The following KLF12 variants were observed in gnomAD, a reference collection of about 807,000 sequenced individuals.
KLF12 encodes the protein KLF transcription factor 12, also known as Krueppel-like factor 12.
A neutral mutation model predicts 37.8 loss-of-function variants in KLF12; 9 were observed. The observed-to-expected ratio is 0.24, with a 90% CI of 0.14 to 0.42. The LOEUF (loss-of-function observed/expected upper bound fraction) is 0.42, where lower values mean the gene tolerates loss of function less well. Among genes scored for constraint, KLF12 ranks in the 10% least tolerant of loss-of-function variants. The pLI is 1.00. For missense variants in KLF12, 411 were observed against 516.0 expected (o/e 0.80, Z 1.97); for synonymous variants, 208 against 202.1 (o/e 1.03, Z -0.25).
At chr13:74,076,651 CT>C (rs1376635579) in intron 1 of KLF12, among the ~76,000 whole-genome samples, 1 of 152,074 alleles carries the variant, frequency 6.6e-6, no homozygotes, top group East Asian at 1.9e-4. Context: ...TATTTTTTAA[CT>C]TTTATCTTAG....
At chr13:73,925,111 G>A (rs951715129) in intron 3 of KLF12, among the ~76,000 whole-genome samples, 2 of 152,172 alleles carry the variant, frequency 1.3e-5, no homozygotes, top group African/African-American at 4.8e-5. Context: ...TAAAAGCTGT[G>A]GCAAGTTATC....
chr13:74,129,341 A>G (rs1236154485), intron 1 of KLF12, among the ~76,000 whole-genome samples: 4 of 152,230 alleles, frequency 2.6e-5, no homozygotes, highest in Non-Finnish European at 5.9e-5. Context: ...ACGAATAAAG[A>G]GGGCCAACTG....
rs575575264 is a variant in KLF12, at chr13:73,868,045, A to G, written c.124-21672T>C. 1.2e-3 allele frequency among the ~76,000 whole-genome samples: 178 copies of G among 147,772 alleles called. 1 individual carries two copies. Among genetic ancestry groups the G allele is most frequent in the Non-Finnish European group, 1.2e-3 (78 of 67,294 alleles). Reference sequence around the variant, plus strand: ...CTTCTCAAAAAAAAAAAGAAAAAAAAAATGCTGGGTGTAGTGGCTCATGCC... The same window carrying G: ...CTTCTCAAAAAAAAAAAGAAAAAAAGAATGCTGGGTGTAGTGGCTCATGCC... On this transcript the variant is annotated intron_variant, in intron 3 of 7. Coordinates refer to ENST00000377669, the MANE Select transcript of KLF12 (RefSeq NM_007249.5).
At chr13:73,737,734 G>A (rs1037604085) in intron 6 of KLF12, among the ~76,000 whole-genome samples, 4 of 152,006 alleles carry the variant, frequency 2.6e-5, no homozygotes, top group Admixed American at 6.6e-5. Flanking sequence ...GGAAATATAC[G>A]AAACTGTCTC....
intron 2 of KLF12, 97 bp downstream of exon 2, chr13:73,994,893 T>G: frequency 1.2e-6 from 1 of 822,084 alleles, no homozygotes; most frequent in Non-Finnish European, 2.1e-6. Context: ...CTGTCTCGTA[T>G]TCACACAAGA....
At chr13:74,274,789 A>G in the KLF12 span, among the ~76,000 whole-genome samples, 1 of 151,280 alleles carries the variant, frequency 6.6e-6, no homozygotes, top group African/African-American at 2.4e-5. Flanking sequence ...CCATTGTTAC[A>G]TTGTTATTCC....
At chr13:73,728,442 C>T (rs1033127051) in intron 6 of KLF12, among the ~76,000 whole-genome samples, 7 of 152,130 alleles carry the variant, frequency 4.6e-5, no homozygotes, top group African/African-American at 1.7e-4. Context: ...ATCTACATTT[C>T]TTTTTCTTAA....
At chr13:74,066,241 G>C (rs1873908532) in intron 1 of KLF12, among the ~76,000 whole-genome samples, 1 of 152,158 alleles carries the variant, frequency 6.6e-6, no homozygotes, top group Non-Finnish European at 1.5e-5. Context: ...GAAGCAGATG[G>C]TGAATATTAT....
intron 4 of KLF12, among the ~76,000 whole-genome samples, chr13:73,838,030 C>T (rs1261161418): frequency 1.3e-5 from 2 of 152,036 alleles, no homozygotes; most frequent in Non-Finnish European, 1.5e-5. Context: ...GGATTCATGA[C>T]CTGAAACAAA....
intron 3 of KLF12, among the ~76,000 whole-genome samples, chr13:73,878,124 C>T (rs1355367789): frequency 6.6e-6 from 1 of 152,128 alleles, no homozygotes; most frequent in East Asian, 1.9e-4. Flanking sequence ...CCCTGGATGT[C>T]TCTCATGAAT....
At chr13:74,067,965 G>A (rs991718016) in intron 1 of KLF12, among the ~76,000 whole-genome samples, 5 of 152,204 alleles carry the variant, frequency 3.3e-5, no homozygotes, top group Admixed American at 6.5e-5. Flanking sequence ...ACCAACTTCC[G>A]CTTAACCAAC....
chr13:74,026,568 C>T (rs763301996), intron 1 of KLF12, among the ~76,000 whole-genome samples: 10 of 152,098 alleles, frequency 6.6e-5, no homozygotes, highest in Non-Finnish European at 1.2e-4. Flanking sequence ...ATGTTAGATA[C>T]AGTTACATGA....
At chr13:74,129,590 C>G (rs915821716) in intron 1 of KLF12, among the ~76,000 whole-genome samples, 10 of 151,730 alleles carry the variant, frequency 6.6e-5, no homozygotes, top group African/African-American at 2.4e-4. Context: ...CTGCACCAGA[C>G]AGCAAATGTG....
At chr13:73,858,804 T>C (rs1033166702) in intron 3 of KLF12, among the ~76,000 whole-genome samples, 2 of 152,194 alleles carry the variant, frequency 1.3e-5, no homozygotes, top group Admixed American at 1.3e-4. Flanking sequence ...CCCTATATTC[T>C]ATAAAAATGG....
the KLF12 span, among the ~76,000 whole-genome samples, chr13:74,170,813 G>A: frequency 6.6e-6 from 1 of 152,164 alleles, no homozygotes; most frequent in Non-Finnish European, 1.5e-5. Flanking sequence ...CACTCAGGCT[G>A]GAGTGCAGTG....
upstream of KLF12, among the ~76,000 whole-genome samples, chr13:74,136,506 A>G (rs934777103): frequency 4.6e-5 from 7 of 152,234 alleles, no homozygotes; most frequent in Non-Finnish European, 8.8e-5. Flanking sequence ...TAAGGGTGGA[A>G]GGATGCTGTA....
intron 1 of KLF12, among the ~76,000 whole-genome samples, chr13:74,033,399 CCT>C (rs1241080302): frequency 6.6e-6 from 1 of 152,138 alleles, no homozygotes; most frequent in Non-Finnish European, 1.5e-5. Flanking sequence ...TATTTAGCCC[CCT>C]GTTATTTCTG....
At chr13:74,254,784 G>A in the KLF12 span, among the ~76,000 whole-genome samples, 2 of 152,140 alleles carry the variant, frequency 1.3e-5, no homozygotes, top group Admixed American at 1.3e-4. Context: ...GTATGTGTGT[G>A]TGTGTTTGTG....
At chr13:73,742,777 C>T (rs974666045) in intron 6 of KLF12, among the ~76,000 whole-genome samples, 1 of 152,176 alleles carries the variant, frequency 6.6e-6, no homozygotes, top group Non-Finnish European at 1.5e-5. Context: ...GTTACTACAT[C>T]AACCGCACAG....
Sources: gnomAD v4.1 joint callset for allele counts (sites outside exome capture counted in the v4.1 genomes callset) on GRCh38, gnomAD v4.1.1 for gene constraint, MANE v1.5 for transcripts, NCBI Gene and HGNC (gene_info 2026-07-23, HGNC 2026-07-21) for gene names.